The following SRSF4 variants were observed in gnomAD, a reference collection of about 807,000 sequenced individuals.
SRSF4 encodes serine and arginine rich splicing factor 4.
A neutral mutation model predicts 48.8 loss-of-function variants in SRSF4; 12 were observed. That is an observed-to-expected ratio of 0.25 (90% CI 0.16 to 0.40). The LOEUF (loss-of-function observed/expected upper bound fraction) is 0.40. Ranked by LOEUF, SRSF4 falls within the 10% of genes least tolerant of loss-of-function variation. The probability of loss-of-function intolerance (pLI) is 1.00; values close to 1 mark genes in which losing one functional copy is unlikely to be tolerated. For missense variants in SRSF4, 466 were observed against 667.1 expected, an observed-to-expected ratio of 0.70 and a Z score of 3.32; for synonymous variants, 248 against 232.5, an observed-to-expected ratio of 1.07 and a Z score of -0.61.
chr1:29,164,930 T>C (rs751686912), intron 1 of SRSF4, among the ~76,000 whole-genome samples: 3 of 152,142 alleles, frequency 2.0e-5, no homozygotes, highest in Non-Finnish European at 4.4e-5. Flanking sequence ...TGCTCGAAAA[T>C]CCGAAACTTT....
intron 4 of SRSF4, among the ~76,000 whole-genome samples, chr1:29,154,315 C>T (rs531737677): frequency 1.3e-5 from 2 of 151,956 alleles, no homozygotes; most frequent in East Asian, 2.0e-4. Flanking sequence ...CCACCCACCT[C>T]GGCCTCCCAA....
rs954727108 is a variant in SRSF4 at position 29,181,862 on chromosome 1, A to G, written c.-110T>C. On this transcript the variant is annotated 5_prime_UTR_variant, in exon 1 of 6. Coordinates refer to ENST00000373795, the MANE Select transcript of SRSF4 (RefSeq NM_005626.5). ...GCGGCGGCAACGGGCGGGCGGCGGG[A>G]CGGACGCAGCCGAACCCCGGCGACG... 1.1e-5 allele frequency: 10 copies of G among 906,150 alleles called. No individual in the cohort carries two copies. In the African/African-American group the frequency reaches 1.2e-4, roughly 11 times the overall value. 56.1% of individuals were successfully genotyped at this position (906,150 alleles called of 1,614,324 possible).
intron 4 of SRSF4, 172 bp downstream of exon 4, chr1:29,154,524 T>G: frequency 1.5e-6 from 1 of 660,206 alleles, no homozygotes. Context: ...TTTGTACTCA[T>G]GACCTAAGAG....
Position 29,148,901 on chromosome 1 carries a change from TC to T in SRSF4, c.993del (p.Ser332AlafsTer182). 1 of 1,611,428 alleles carries T rather than the reference TC, an allele frequency of 6.2e-7. No individual in the cohort carries two copies. Among genetic ancestry groups the T allele is most frequent in the Non-Finnish European group, 8.5e-7 (1 of 1,178,290 alleles). On this transcript the variant is annotated frameshift_variant, in exon 6 of 6. Transcript: ENST00000373795. LOFTEE classifies it high-confidence loss of function. Reference sequence around the variant, plus strand: ...CTGCCCCCTTTGCTCCTGCTCCGGCTCCGACTCTGGCGGAGGCTCTTCTCCT... The same window carrying T: ...CTGCCCCCTTTGCTCCTGCTCCGGCTCGACTCTGGCGGAGGCTCTTCTCCT... ...RSQEKSLRQS[R>X]SRSRSKGGSR...
At position 29,173,617 on chromosome 1, in the gene SRSF4, T is replaced by G. The variant is rs1488562878; in HGVS notation, c.107+8029A>C. 2.1e-4 allele frequency: 32 copies of G among 150,088 alleles called. 1 individual carries two copies. Among genetic ancestry groups the G allele is most frequent in the Admixed American group, 2.1e-3 (32 of 15,078 alleles). 9.3% of individuals were successfully genotyped at this position (150,088 alleles called of 1,614,324 possible). On this transcript the variant is annotated intron_variant, in intron 1 of 5. Transcript: ENST00000373795. ...GCAAGTGCCACCATACCCAGCTAAT[T>G]TTTGTCTTTTTAGTACAGACGGGGT... is the stretch of plus-strand genomic sequence containing the variant.
chr1:29,174,287 A>C (rs1030824455), intron 1 of SRSF4, among the ~76,000 whole-genome samples: 3 of 152,228 alleles, frequency 2.0e-5, no homozygotes, highest in African/African-American at 7.2e-5. Flanking sequence ...TGGAATAGCT[A>C]GCAAAAGCAT....
chr1:29,169,734 G>T (rs571265396), intron 1 of SRSF4: 14 of 152,238 alleles, frequency 9.2e-5, no homozygotes, highest in Non-Finnish European at 1.6e-4. Context: ...TCAAGCCCAT[G>T]GTATTGAGTC....
chr1:29,180,078 T>A (rs1366198528), intron 1 of SRSF4, among the ~76,000 whole-genome samples: 3 of 152,212 alleles, frequency 2.0e-5, no homozygotes, highest in Admixed American at 6.5e-5. Context: ...ATGCTTTACA[T>A]TTATTATCTC....
chr1:29,149,508 C>T (rs1244545157), intron 5 of SRSF4, among the ~76,000 whole-genome samples: 1 of 151,886 alleles, frequency 6.6e-6, no homozygotes, highest in Non-Finnish European at 1.5e-5. Context: ...GGTGAAGCCC[C>T]GTCTCTACTA....
At chr1:29,160,906 G>A (rs1441545936) in intron 1 of SRSF4, among the ~76,000 whole-genome samples, 1 of 152,192 alleles carries the variant, frequency 6.6e-6, no homozygotes, top group Non-Finnish European at 1.5e-5. Flanking sequence ...TTTAAAAGTG[G>A]TATCTTAGAG....
At chr1:29,169,776 A>G (rs2151820925) in intron 1 of SRSF4, 1 of 152,306 alleles carries the variant, frequency 6.6e-6, no homozygotes, top group East Asian at 1.9e-4. Context: ...TCTCTAACAG[A>G]ATATATATTC....
chr1:29,174,712 T>C (rs1672810267), intron 1 of SRSF4, among the ~76,000 whole-genome samples: 1 of 138,456 alleles, frequency 7.2e-6, no homozygotes, highest in Non-Finnish European at 1.5e-5. Flanking sequence ...TCTTGCTCCA[T>C]CACCAGGCTG....
intron 1 of SRSF4, among the ~76,000 whole-genome samples, chr1:29,168,342 T>C (rs1158324191): frequency 1.3e-5 from 2 of 152,106 alleles, no homozygotes; most frequent in African/African-American, 4.8e-5. Flanking sequence ...TCTACTGTAT[T>C]TTAAAGGCAG....
chr1:29,151,809 AACTT>A (rs1302678094), intron 4 of SRSF4, among the ~76,000 whole-genome samples: 1 of 152,222 alleles, frequency 6.6e-6, no homozygotes, highest in African/African-American at 2.4e-5. Flanking sequence ...TAATTTCTAC[AACTT>A]ACTTTCAAAT....
At chr1:29,181,356 C>T (rs1377292566) in intron 1 of SRSF4, among the ~76,000 whole-genome samples, 1 of 152,104 alleles carries the variant, frequency 6.6e-6, no homozygotes, top group Non-Finnish European at 1.5e-5. Flanking sequence ...CCCGGGCGCC[C>T]TGGAGCTGTG....
intron 1 of SRSF4, chr1:29,169,795 G>T (rs978965612): frequency 7.9e-5 from 12 of 152,108 alleles, no homozygotes; most frequent in Non-Finnish European, 1.5e-4. Flanking sequence ...TCACATAGTA[G>T]GGTGAGAAAA....
At chr1:29,180,944 C>T (rs1217300156) in intron 1 of SRSF4, among the ~76,000 whole-genome samples, 1 of 152,210 alleles carries the variant, frequency 6.6e-6, no homozygotes, top group African/African-American at 2.4e-5. Context: ...TCTACAACGG[C>T]CAAGCAATTT....
intron 1 of SRSF4, among the ~76,000 whole-genome samples, chr1:29,165,715 A>AC (rs1170794349): frequency 6.6e-6 from 1 of 152,220 alleles, no homozygotes; most frequent in Non-Finnish European, 1.5e-5. Flanking sequence ...GCAAGGCATG[A>AC]CTAAGGGGGT....
At chr1:29,152,685 G>C (rs1214408341) in intron 4 of SRSF4, among the ~76,000 whole-genome samples, 1 of 152,046 alleles carries the variant, frequency 6.6e-6, no homozygotes, top group Non-Finnish European at 1.5e-5. Flanking sequence ...TTGGAAGGCC[G>C]AGGTGGGTGG....
Sources: gnomAD v4.1 joint callset for allele counts (sites outside exome capture counted in the v4.1 genomes callset) on GRCh38, gnomAD v4.1.1 for gene constraint, MANE v1.5 for transcripts, NCBI Gene and HGNC (gene_info 2026-07-23, HGNC 2026-07-21) for gene names.